JMJD1C: variants seen among roughly 807,000 people sequenced by gnomAD.
JMJD1C encodes jumonji domain-containing protein 1C.
A neutral mutation model predicts 245.3 loss-of-function variants in JMJD1C; 31 were observed. The observed-to-expected ratio is 0.13, with a 90% CI of 0.09 to 0.17. The LOEUF (loss-of-function observed/expected upper bound fraction) is 0.17, where lower values mean the gene tolerates loss of function less well. Ranked by LOEUF, JMJD1C falls within the 10% of genes least tolerant of loss-of-function variation. The pLI, the probability that JMJD1C is intolerant of heterozygous loss-of-function variation, is 1.00. For synonymous variants in JMJD1C, 1,057 were observed against 1,017.4 expected (o/e 1.04, Z -0.74); for missense variants, 2,691 against 3,000.2 (o/e 0.90, Z 2.41).
At position 63,208,383 on chromosome 10, in the gene JMJD1C, T is replaced by C. The variant is rs1032836369; in HGVS notation, c.3286A>G (p.Thr1096Ala). 3.1e-6 allele frequency: 5 copies of C among 1,613,840 alleles called. No individual in the cohort carries two copies. The highest frequency in any genetic ancestry group is 4.2e-6 in the Non-Finnish European group (5 of 1,179,874). Residue 1096 changes from threonine to alanine, a missense_variant, in exon 10 of 26, where the codon ACA (threonine) becomes GCA (alanine). Physicochemically the swap from Thr to Ala is moderately conservative, Grantham distance 58 (BLOSUM62 0). This residue lies in a region of JMJD1C where 1,562 missense variants were observed against 1,490.7 expected (regional missense o/e 1.05). Transcript: ENST00000399262. ...TCATTGACCACACTATTAGACAATG[T>C]AGTGAAATAGTTACTTTGGGGTAAA... ...QSLPQSNYFTTLSNSVVNEPP... is the reference protein window; with the variant it reads ...QSLPQSNYFTALSNSVVNEPP...
At chr10:63,353,852 T>C (rs144781883) in intron 2 of JMJD1C, among the ~76,000 whole-genome samples, 3 of 151,650 alleles carry the variant, frequency 2.0e-5, no homozygotes, top group East Asian at 3.9e-4. Context: ...TTTTGTCTGT[T>C]TGTTTTTGAG....
chr10:63,190,126 C>T (rs547572310), intron 17 of JMJD1C, among the ~76,000 whole-genome samples: 1 of 152,180 alleles, frequency 6.6e-6, no homozygotes, highest in East Asian at 1.9e-4. Flanking sequence ...GTCCCGAACC[C>T]CTGACCTCAG....
chr10:63,244,864 C>A (rs1338940596), intron 3 of JMJD1C, among the ~76,000 whole-genome samples: 1 of 150,838 alleles, frequency 6.6e-6, no homozygotes. Flanking sequence ...AGGCTGGGTG[C>A]GGTGGCTCAC....
At chr10:63,252,008 C>G (rs761610223) in intron 3 of JMJD1C, among the ~76,000 whole-genome samples, 132 of 152,192 alleles carry the variant, frequency 8.7e-4, no homozygotes, top group Middle Eastern at 3.4e-3. Context: ...AGCAAGACTC[C>G]GTCTCAAAGA....
chr10:63,496,029 T>C (rs1007429212), intron 1 of JMJD1C, among the ~76,000 whole-genome samples: 7 of 145,994 alleles, frequency 4.8e-5, no homozygotes, highest in African/African-American at 1.0e-4. Context: ...TGTGAGGCAA[T>C]TGCACTAAAA....
intron 1 of JMJD1C, among the ~76,000 whole-genome samples, chr10:63,394,966 A>G (rs907107992): frequency 2.0e-5 from 3 of 152,198 alleles, no homozygotes; most frequent in South Asian, 2.1e-4. Flanking sequence ...CAAATCACGT[A>G]TTTCACAAAA....
In JMJD1C at chr10:63,222,322, C is replaced by G. The variant is rs1848692651; in HGVS notation, c.448-2339G>C. The G allele has an allele frequency of 2.3e-6, 3 of 1,328,404 alleles. No individual in the cohort carries two copies. In the African/African-American group the frequency reaches 4.3e-5, roughly 19 times the overall value. The allele number at this position is 1,328,404 out of a possible 1,614,324, so 82.3% of individuals were successfully genotyped here. A position where few individuals can be genotyped will look rare whatever the true frequency, so the allele number is the denominator to read the frequency against. ...TGATTACAGGTGGAAATCTACAAGA[C>G]AGTAAAGATGCACTGCATTTGGCAC... On this transcript the variant is annotated intron_variant, in intron 3 of 25. Coordinates refer to ENST00000399262, the MANE Select transcript of JMJD1C (RefSeq NM_032776.3).
At chr10:63,470,463 T>C (rs1208050271), upstream of JMJD1C, among the ~76,000 whole-genome samples, 5 of 152,194 alleles carry the variant, frequency 3.3e-5, no homozygotes, top group Non-Finnish European at 5.9e-5. Context: ...TTCGAAAACA[T>C]GCTTCAGTAG....
At chr10:63,383,487 T>A (rs1236402039) in intron 1 of JMJD1C, among the ~76,000 whole-genome samples, 1 of 152,058 alleles carries the variant, frequency 6.6e-6, no homozygotes, top group Non-Finnish European at 1.5e-5. Flanking sequence ...TCACTTAAAC[T>A]CAGGAGTTCA....
At position 63,380,471 on chromosome 10, in the gene JMJD1C, T is replaced by C; in HGVS notation, c.180A>G (p.Glu60=). 1 of 1,612,422 alleles carries C rather than the reference T, an allele frequency of 6.2e-7. No individual in the cohort carries two copies. The highest frequency in any genetic ancestry group is 8.5e-7 in the Non-Finnish European group (1 of 1,179,358). ...GTTTATCCCATTCAAGATCATCAAA[T>C]TCCACATACACCTATGAAAACAAAA... The part of the protein sequence containing the change: ...SRNPDLAVYV[E]FDDLEWDKRE... Residue 60 remains glutamate (E), a synonymous_variant, in exon 2 of 26, where the codon GAA becomes GAG. Coordinates refer to ENST00000399262, the MANE Select transcript of JMJD1C (RefSeq NM_032776.3).
At chr10:63,301,384 C>T (rs1348274321) in intron 2 of JMJD1C, among the ~76,000 whole-genome samples, 1 of 152,140 alleles carries the variant, frequency 6.6e-6, no homozygotes, top group Non-Finnish European at 1.5e-5. Context: ...ATCCCAATTA[C>T]CCTTTTACTC....
intron 17 of JMJD1C, among the ~76,000 whole-genome samples, 164 bp from the exon 18 acceptor site, chr10:63,189,610 TC>T (rs1197176557): frequency 3.9e-5 from 6 of 152,156 alleles, no homozygotes; most frequent in Admixed American, 3.9e-4. Context: ...AAACCAGAAG[TC>T]TGGTTGTGTG....
In JMJD1C at chr10:63,208,677, C is replaced by G; in HGVS notation, c.2992G>C (p.Asp998His). 6.2e-7 allele frequency: 1 copy of G among 1,614,080 alleles called. No individual in the cohort carries two copies. Among genetic ancestry groups the G allele is most frequent in the Non-Finnish European group, 8.5e-7 (1 of 1,179,968 alleles). ...CTCTGTAACTGATTTAATACTGGAT[C>G]CACAAAATGCCTATGTAAGTGACAA... ...KDCHLHRHFV[D>H]PVLNQLQRPP... Residue 998 changes from aspartate (D) to histidine (H), a missense_variant, in exon 10 of 26, where the codon GAT (aspartate) becomes CAT (histidine). By Grantham distance (81) the Asp-to-His change is moderately conservative. This residue lies in a region of JMJD1C where 1,562 missense variants were observed against 1,490.7 expected (regional missense o/e 1.05). Coordinates refer to ENST00000399262, the MANE Select transcript of JMJD1C (RefSeq NM_032776.3).
chr10:63,429,234 C>T (rs1950611841), intron 1 of JMJD1C, among the ~76,000 whole-genome samples: 1 of 152,166 alleles, frequency 6.6e-6, no homozygotes, highest in Admixed American at 6.5e-5. Flanking sequence ...CCACCTCAGC[C>T]TCCCAAAGTG....
At chr10:63,502,582 G>A (rs2133254795) in intron 1 of JMJD1C, among the ~76,000 whole-genome samples, 1 of 144,652 alleles carries the variant, frequency 6.9e-6, no homozygotes, top group African/African-American at 2.6e-5. Flanking sequence ...AGCTTGCAGT[G>A]AGCCAAGTTG....
At chr10:63,247,439 G>A (rs1188963427) in intron 3 of JMJD1C, among the ~76,000 whole-genome samples, 3 of 151,884 alleles carry the variant, frequency 2.0e-5, no homozygotes, top group African/African-American at 7.3e-5. Flanking sequence ...TGGAATCAAA[G>A]CCTTAATTAA....
rs2133273443 is a variant in JMJD1C at position 63,219,819 on chromosome 10, CAA to C, written c.553+57_553+58del. On this transcript the variant is annotated intron_variant, in intron 4 of 25. Transcript: ENST00000399262. ...TTGCACACAATTGAATAACCAAAAA[CAA>C]ATATGATAAGTTGCCTAGATCCAAA... 6.6e-6 allele frequency: 8 copies of C among 1,204,190 alleles called. No homozygotes were observed. In the South Asian group the frequency reaches 8.9e-5, roughly 13 times the overall value. The allele number at this position is 1,204,190 out of a possible 1,614,324, so 74.6% of individuals were successfully genotyped here. A position where few individuals can be genotyped will look rare whatever the true frequency, so the allele number is the denominator to read the frequency against.
rs1412676665 is a variant in JMJD1C at position 63,204,304 on chromosome 10, T to C, written c.5074+2291A>G. ...ATGCTAGTTACCAAGCAGGGGAGAT[T>C]TGACTAAACATTACAACCTGGGGGA... On this transcript the variant is annotated intron_variant, in intron 10 of 25. Transcript: ENST00000399262. 6.1e-6 allele frequency: 6 copies of C among 985,234 alleles called. No homozygotes were observed. In the East Asian group the frequency reaches 3.4e-4, roughly 56 times the overall value. 61.0% of individuals were successfully genotyped at this position (985,234 alleles called of 1,614,324 possible). A position where few individuals can be genotyped will look rare whatever the true frequency, so the allele number is the denominator to read the frequency against.
chr10:63,437,869 T>C (rs1246107804), intron 1 of JMJD1C, among the ~76,000 whole-genome samples: 3 of 152,204 alleles, frequency 2.0e-5, no homozygotes, highest in East Asian at 3.8e-4. Flanking sequence ...AAACACTTTT[T>C]CCACTAAGCT....
Sources: allele counts gnomAD v4.1 joint callset (sites outside exome capture counted in the v4.1 genomes callset), GRCh38; gene constraint gnomAD v4.1.1; regional missense constraint gnomAD v4.1.1; transcripts MANE v1.5; gene names NCBI Gene and HGNC (gene_info 2026-07-23, HGNC 2026-07-21).